HPGD: variants seen among roughly 807,000 people sequenced by gnomAD.
The protein encoded by HPGD is 15-hydroxyprostaglandin dehydrogenase [NAD(+)].
A neutral mutation model predicts 30.0 loss-of-function variants in HPGD; 29 were observed. That is an observed-to-expected ratio of 0.97 (90% confidence interval 0.72 to 1.32). The LOEUF (loss-of-function observed/expected upper bound fraction) is 1.32. Among genes scored for constraint, HPGD ranks in the 40% most tolerant of loss-of-function variants. The pLI is 0.00. For synonymous variants in HPGD, 99 were observed against 112.4 expected (o/e 0.88, Z 0.75); for missense variants, 340 against 322.1 (o/e 1.06, Z -0.43).
chr4:174,494,378 TG>T lies in HPGD; in HGVS notation c.499-1065del, dbSNP rs965895849. Among the ~76,000 whole-genome samples, 17 of 152,266 alleles carry T rather than the reference TG, an allele frequency of 1.1e-4. No individual in the cohort carries two copies. The highest frequency in any genetic ancestry group is 3.6e-4 in the African/African-American group (15 of 41,562). On this transcript the variant is annotated intron_variant, in intron 5 of 6. Coordinates refer to ENST00000296522, the MANE Select transcript of HPGD (RefSeq NM_000860.6). The surrounding 1 kb of genome is among the most constrained non-coding windows in gnomAD (Gnocchi z 4.9). ...AATGGTTCAGTAGTCACTAATGTAGTGTTTGTAAGTGACTTCATGGAACATA... is the reference window on the plus strand; with the variant it reads ...AATGGTTCAGTAGTCACTAATGTAGTTTTGTAAGTGACTTCATGGAACATA...
At chr4:174,505,310 T>TA in intron 4 of HPGD, among the ~76,000 whole-genome samples, 1 of 152,156 alleles carries the variant, frequency 6.6e-6, no homozygotes, top group African/African-American at 2.4e-5. Flanking sequence ...GAATACTGAA[T>TA]ATTACCCACA....
chr4:174,494,387 G>A lies in HPGD; in HGVS notation c.499-1073C>T, dbSNP rs1453578996. On this transcript the variant is annotated intron_variant, in intron 5 of 6. Coordinates refer to ENST00000296522, the MANE Select transcript of HPGD (RefSeq NM_000860.6). The surrounding 1 kb of genome is among the most constrained non-coding windows in gnomAD (Gnocchi z 4.9). Reference sequence around the variant, plus strand: ...GTAGTCACTAATGTAGTGTTTGTAAGTGACTTCATGGAACATAACCACCAT... The same window carrying A: ...GTAGTCACTAATGTAGTGTTTGTAAATGACTTCATGGAACATAACCACCAT... Among the ~76,000 whole-genome samples, 1 of 152,122 alleles carries A rather than the reference G, an allele frequency of 6.6e-6. No individual in the cohort carries two copies. The highest frequency in any genetic ancestry group is 1.5e-5 in the Non-Finnish European group (1 of 68,018).
chr4:174,493,811 G>C (rs545507635), intron 5 of HPGD, among the ~76,000 whole-genome samples: 1 of 151,994 alleles, frequency 6.6e-6, no homozygotes, highest in Non-Finnish European at 1.5e-5. Context: ...ACAAACTATT[G>C]ATTTTATTTG....
At chr4:174,516,420 A>G (rs1467264649) in intron 3 of HPGD, among the ~76,000 whole-genome samples, 1 of 152,142 alleles carries the variant, frequency 6.6e-6, no homozygotes, top group African/African-American at 2.4e-5. Context: ...CTCACTTACA[A>G]ACAGGAACAA....
chr4:174,514,837 T>C (rs774847896), intron 3 of HPGD, among the ~76,000 whole-genome samples: 5 of 152,068 alleles, frequency 3.3e-5, no homozygotes, highest in Non-Finnish European at 7.4e-5. Flanking sequence ...ACATAACCAA[T>C]GTACAAAAAT....
At position 174,493,262 on chromosome 4, in the gene HPGD, C is replaced by A. The variant is rs1469826581; in HGVS notation, c.551G>T (p.Gly184Val). The A allele has an allele frequency of 6.2e-7, 1 of 1,613,274 alleles. No individual in the cohort carries two copies. The highest frequency in any genetic ancestry group is 8.5e-7 in the Non-Finnish European group (1 of 1,179,454). ...SGVRLNAICPGFVNTAILESI... is the reference protein window; with the variant it reads ...SGVRLNAICPVFVNTAILESI... ...TTCAAGGATGGCTGTGTTAACAAAG[C>A]CTGGACAAATGGCATTCAGTCTCAC... Residue 184 changes from glycine to valine, a missense_variant, in exon 6 of 7, where the codon GGC becomes GTC. Coordinates refer to ENST00000296522, the MANE Select transcript of HPGD (RefSeq NM_000860.6).
intron 3 of HPGD, 25 bp downstream of exon 3, chr4:174,517,946 A>C (rs760578150): frequency 8.5e-7 from 1 of 1,178,752 alleles, no homozygotes; most frequent in South Asian, 1.2e-5. Flanking sequence ...AATTATAGAC[A>C]AGAAATATAG....
rs1020180049 is a variant in HPGD at position 174,492,439 on chromosome 4, G to A, written c.663-345C>T. Reference sequence around the variant, plus strand: ...ATCTTTATCGTATCAGTAGATCTTAGACTTACCAGATATAGATGTTATTAG... The same window carrying A: ...ATCTTTATCGTATCAGTAGATCTTAAACTTACCAGATATAGATGTTATTAG... On this transcript the variant is annotated intron_variant, in intron 6 of 6. Transcript: ENST00000296522. The surrounding 1 kb of genome is among the most constrained non-coding windows in gnomAD (Gnocchi z 4.9). Among the ~76,000 whole-genome samples the A allele has an allele frequency of 6.6e-6, 1 of 151,928 alleles. No homozygotes were observed. Among genetic ancestry groups the A allele is most frequent in the African/African-American group, 2.4e-5 (1 of 41,412 alleles).
chr4:174,499,021 G>A (rs931127646), intron 4 of HPGD, among the ~76,000 whole-genome samples: 9 of 152,068 alleles, frequency 5.9e-5, no homozygotes, highest in African/African-American at 2.2e-4. Context: ...TTGCTACTGT[G>A]GTGTAGCTTC....
chr4:174,517,042 T>C (rs1489202130), intron 3 of HPGD, among the ~76,000 whole-genome samples: 1 of 152,170 alleles, frequency 6.6e-6, no homozygotes, highest in Non-Finnish European at 1.5e-5. Flanking sequence ...ACTCTACAAT[T>C]ACCTGCCTTG....
At chr4:174,503,777 C>T (rs1308696520) in intron 4 of HPGD, among the ~76,000 whole-genome samples, 2 of 151,068 alleles carry the variant, frequency 1.3e-5, no homozygotes, top group South Asian at 2.1e-4. Flanking sequence ...GGCTGGAGTG[C>T]AGTAGTGCAA....
chr4:174,500,041 G>A (rs527330980), intron 4 of HPGD, among the ~76,000 whole-genome samples: 10 of 152,098 alleles, frequency 6.6e-5, no homozygotes, highest in Non-Finnish European at 1.3e-4. Context: ...CTCTAGAGAG[G>A]GAGCCTTGGG....
chr4:174,508,644 G>A (rs1039329331), intron 4 of HPGD, 52 bp downstream of exon 4: 1 of 1,023,468 alleles, frequency 9.8e-7, no homozygotes, highest in Non-Finnish European at 1.6e-6. Context: ...TGTTTTTGTG[G>A]TCCAAATTAC....
upstream of HPGD, chr4:174,522,864 C>T (rs1736241922): frequency 6.0e-6 from 1 of 165,532 alleles, no homozygotes; most frequent in African/African-American, 2.4e-5. Context: ...CCCTCCCGGC[C>T]CCGACTCCGG....
intron 4 of HPGD, among the ~76,000 whole-genome samples, chr4:174,505,458 C>T (rs912408466): frequency 3.3e-5 from 5 of 152,320 alleles, no homozygotes; most frequent in Non-Finnish European, 7.3e-5. Flanking sequence ...TTTGTGCTCT[C>T]ACCTCTTCCT....
At position 174,493,321 on chromosome 4, in the gene HPGD, A is replaced by G. The variant is rs1233936182; in HGVS notation, c.499-7T>C. The G allele has an allele frequency of 3.7e-6, 6 of 1,612,890 alleles. No homozygotes were observed. The highest frequency in any genetic ancestry group is 1.7e-4 in the Middle Eastern group (1 of 6,056). On this transcript the variant is annotated splice_region_variant and splice_polypyrimidine_tract_variant and intron_variant, in intron 5 of 6. Transcript: ENST00000296522. ...TCATAAGATTAGCAGCCAACTGCCAATTAGAAGGTTGTAGGTTTCAGCAGT... is the reference window on the plus strand; with the variant it reads ...TCATAAGATTAGCAGCCAACTGCCAGTTAGAAGGTTGTAGGTTTCAGCAGT...
chr4:174,510,486 G>T (rs1297499444), intron 3 of HPGD, among the ~76,000 whole-genome samples: 2 of 152,172 alleles, frequency 1.3e-5, no homozygotes, highest in African/African-American at 4.8e-5. Context: ...TTATTCTCAG[G>T]TATTACAGCT....
chr4:174,508,680 T>C lies in HPGD; in HGVS notation c.421+16A>G, dbSNP rs147587336. 1.2e-4 allele frequency: 162 copies of C among 1,406,554 alleles called. No homozygotes were observed. Among genetic ancestry groups the C allele is most frequent in the Middle Eastern group, 1.1e-3 (6 of 5,704 alleles). The allele number at this position is 1,406,554 out of a possible 1,614,324, so 87.1% of individuals were successfully genotyped here. On this transcript the variant is annotated intron_variant, in intron 4 of 6. Coordinates refer to ENST00000296522, the MANE Select transcript of HPGD (RefSeq NM_000860.6). ...CAGTAAGAAAATGTTACATTTAATG[T>C]AATAATTGCCCTTACCTGCTAAAGA...
At chr4:174,507,686 A>G (rs1363072693) in intron 4 of HPGD, 1 of 155,654 alleles carries the variant, frequency 6.4e-6, no homozygotes, top group Non-Finnish European at 1.4e-5. Context: ...AAACTTCACA[A>G]TTTCACTTGA....
Sources: gnomAD v4.1 joint callset for allele counts (sites outside exome capture counted in the v4.1 genomes callset) on GRCh38, gnomAD v4.1.1 for gene constraint, Gnocchi (gnomAD v3.1) non-coding constraint, MANE v1.5 for transcripts, NCBI Gene and HGNC (gene_info 2026-07-23, HGNC 2026-07-21) for gene names.